Variants in BABAM2 observed in about 807,000 individuals in gnomAD.
The protein encoded by BABAM2 is BRISC and BRCA1-A complex member 2.
Under a neutral mutation model 54.7 loss-of-function variants are expected in BABAM2, and 31 were observed. The observed-to-expected ratio is 0.57, with a 90% confidence interval of 0.43 to 0.77. The LOEUF is 0.77. Among genes scored for constraint, BABAM2 ranks in the 30% least tolerant of loss-of-function variants. The probability of loss-of-function intolerance (pLI) is 0.00; values close to 1 mark genes in which losing one functional copy is unlikely to be tolerated. For missense variants in BABAM2, 364 were observed against 455.8 expected, an observed-to-expected ratio of 0.80 and a Z score of 1.83; for synonymous variants, 167 against 162.9, an observed-to-expected ratio of 1.03 and a Z score of -0.19.
intron 4 of BABAM2, among the ~76,000 whole-genome samples, chr2:27,990,901 A>C (rs1380381871): frequency 6.6e-6 from 1 of 152,130 alleles, no homozygotes; most frequent in Non-Finnish European, 1.5e-5. Flanking sequence ...GGACACACAT[A>C]AGGTTAATAG....
chr2:28,217,268 G>A (rs1265263333), intron 7 of BABAM2, among the ~76,000 whole-genome samples: 1 of 152,200 alleles, frequency 6.6e-6, no homozygotes, highest in East Asian at 1.9e-4. Context: ...GTCAAGAAAA[G>A]TTTCATAAAT....
At chr2:27,970,052 T>A (rs978295615) in intron 3 of BABAM2, among the ~76,000 whole-genome samples, 3 of 152,206 alleles carry the variant, frequency 2.0e-5, no homozygotes, top group Non-Finnish European at 4.4e-5. Context: ...CTTTGTATCC[T>A]CATTTCCAAA....
intron 7 of BABAM2, among the ~76,000 whole-genome samples, chr2:28,173,622 C>T (rs973251423): frequency 3.3e-5 from 5 of 152,260 alleles, no homozygotes; most frequent in Admixed American, 6.5e-5. Context: ...CTGCGTGTGG[C>T]TTTAATGTGC....
At position 28,298,496 on chromosome 2, in the gene BABAM2, G is replaced by A; in HGVS notation, c.1088+5G>A. Reference sequence around the variant, plus strand: ...TGAAATGGCCAAAAGAGCAAAGTAAGTGAATCTGTCGTTATTTCCAACAGG... The same window carrying A: ...TGAAATGGCCAAAAGAGCAAAGTAAATGAATCTGTCGTTATTTCCAACAGG... On this transcript the variant is annotated splice_donor_5th_base_variant and intron_variant, in intron 11 of 11. Transcript: ENST00000379624. 1.9e-6 allele frequency: 3 copies of A among 1,613,976 alleles called. No homozygotes were observed. The highest frequency in any genetic ancestry group is 2.5e-6 in the Non-Finnish European group (3 of 1,179,948).
chr2:28,183,610 C>T (rs1675880837), intron 7 of BABAM2, among the ~76,000 whole-genome samples: 1 of 152,082 alleles, frequency 6.6e-6, no homozygotes, highest in Non-Finnish European at 1.5e-5. Flanking sequence ...CATAGACTCC[C>T]CCATCACTGG....
chr2:28,298,381 A>G lies in BABAM2; in HGVS notation c.978A>G (p.Thr326=), dbSNP rs1014685607. Residue 326 remains threonine, a synonymous_variant, in exon 11 of 12, where the codon ACA becomes ACG. Coordinates refer to ENST00000379624, the MANE Select transcript of BABAM2 (RefSeq NM_199191.3). Reference sequence around the variant, plus strand: ...TCCCTCGAGACCAGCCAACTCTCACATTTCAGTCCGTTTATCACTTTACCA... The same window carrying G: ...TCCCTCGAGACCAGCCAACTCTCACGTTTCAGTCCGTTTATCACTTTACCA... ...LFFPRDQPTL[T]FQSVYHFTNS... is the part of the protein sequence containing the mutation. The G allele has an allele frequency of 3.7e-6, 6 of 1,613,924 alleles. No individual in the cohort carries two copies. The African/African-American group carries it at 5.3e-5, about 14-fold the overall frequency.
At chr2:27,914,846 GATGGTGATATAAA>G (rs1272689135) in intron 2 of BABAM2, among the ~76,000 whole-genome samples, 4 of 150,658 alleles carry the variant, frequency 2.7e-5, no homozygotes, top group Admixed American at 1.3e-4. Context: ...TATCTCTACT[GATGGTGATATAAA>G]ATGGTGATAT....
intron 4 of BABAM2, among the ~76,000 whole-genome samples, chr2:28,011,561 AG>A (rs1674401254): frequency 6.6e-6 from 1 of 152,170 alleles, no homozygotes; most frequent in Admixed American, 6.5e-5. Context: ...TCTAAAGTCC[AG>A]GGAGCTCAGC....
At chr2:28,118,709 G>A (rs1668814032) in intron 6 of BABAM2, among the ~76,000 whole-genome samples, 1 of 151,958 alleles carries the variant, frequency 6.6e-6, no homozygotes, top group African/African-American at 2.4e-5. Flanking sequence ...TTGCTGTGTA[G>A]AAGCTCTTTA....
At position 28,338,422 on chromosome 2, in the gene BABAM2, T is replaced by A. The variant is rs539603056; in HGVS notation, c.1089-28T>A. On this transcript the variant is annotated intron_variant, in intron 11 of 11. Transcript: ENST00000379624. The stretch of plus-strand genomic sequence containing the variant: ...TTCAAGTTGTTTGTGCTAACCACAA[T>A]TTTTTTTCTCCCCTTCTTTCCCACC... 6.7e-5 allele frequency: 106 copies of A among 1,593,966 alleles called. No individual in the cohort carries two copies. In the South Asian group the frequency reaches 1.1e-3, roughly 17 times the overall value.
At chr2:28,008,828 A>G (rs1228495631) in intron 4 of BABAM2, among the ~76,000 whole-genome samples, 1 of 152,124 alleles carries the variant, frequency 6.6e-6, no homozygotes, top group Admixed American at 6.6e-5. Context: ...ATTCATTACT[A>G]TAGGAGAAGC....
At chr2:27,895,371 C>T (rs1256616679) in intron 2 of BABAM2, among the ~76,000 whole-genome samples, 5 of 152,154 alleles carry the variant, frequency 3.3e-5, no homozygotes, top group Admixed American at 3.3e-4. Flanking sequence ...CCTATCATGA[C>T]CTTGACACTT....
At chr2:27,955,807 A>C (rs991436657) in intron 3 of BABAM2, among the ~76,000 whole-genome samples, 4 of 152,238 alleles carry the variant, frequency 2.6e-5, no homozygotes, top group Non-Finnish European at 5.9e-5. Context: ...TTTTCAAACT[A>C]TACGAACAGA....
At chr2:28,127,435 T>C (rs1669652140) in intron 6 of BABAM2, among the ~76,000 whole-genome samples, 1 of 152,072 alleles carries the variant, frequency 6.6e-6, no homozygotes, top group South Asian at 2.1e-4. Context: ...CGTTGTGGGC[T>C]AAGGGTAAGT....
At chr2:27,994,751 A>G (rs1295258711) in intron 4 of BABAM2, among the ~76,000 whole-genome samples, 3 of 152,174 alleles carry the variant, frequency 2.0e-5, no homozygotes, top group Non-Finnish European at 4.4e-5. Context: ...GAATATTGCT[A>G]CTGTGAACAT....
At chr2:28,038,870 A>G (rs1676864464) in intron 5 of BABAM2, among the ~76,000 whole-genome samples, 1 of 152,170 alleles carries the variant, frequency 6.6e-6, no homozygotes, top group East Asian at 1.9e-4. Flanking sequence ...CTTTTGGTAG[A>G]GCGATTTATT....
At chr2:28,070,016 C>G (rs1663976926) in intron 6 of BABAM2, among the ~76,000 whole-genome samples, 1 of 152,182 alleles carries the variant, frequency 6.6e-6, no homozygotes, top group Admixed American at 6.5e-5. Flanking sequence ...GCTGGGACTA[C>G]AGGCACATGC....
intron 10 of BABAM2, among the ~76,000 whole-genome samples, chr2:28,291,623 T>G (rs1406799403): frequency 6.6e-6 from 1 of 152,064 alleles, no homozygotes; most frequent in Non-Finnish European, 1.5e-5. Flanking sequence ...AAAGATAATT[T>G]GTTTACATGA....
intron 10 of BABAM2, among the ~76,000 whole-genome samples, chr2:28,259,660 C>T (rs1312308400): frequency 6.6e-6 from 1 of 152,090 alleles, no homozygotes; most frequent in Non-Finnish European, 1.5e-5. Flanking sequence ...AAATTCTTGC[C>T]TAACCGAGTT....
Sources: allele counts gnomAD v4.1 joint callset (sites outside exome capture counted in the v4.1 genomes callset), GRCh38; gene constraint gnomAD v4.1.1; transcripts MANE v1.5; gene names NCBI Gene and HGNC (gene_info 2026-07-23, HGNC 2026-07-21).